Variants in SPTBN4 observed in about 807,000 individuals in gnomAD.
SPTBN4 encodes the protein spectrin beta, non-erythrocytic 4.
A neutral mutation model predicts 277.8 loss-of-function variants in SPTBN4; 96 were observed. The ratio of observed to expected loss-of-function variants is 0.35; its 90% CI spans 0.29 to 0.41. SPTBN4 has a LOEUF of 0.41. Ranked by LOEUF, SPTBN4 falls within the 10% of genes least tolerant of loss-of-function variation. SPTBN4 has a pLI of 1.00. For synonymous variants in SPTBN4, 1,481 were observed against 1,580.3 expected (o/e 0.94, Z 1.49); for missense variants, 3,006 against 3,595.7 (o/e 0.84, Z 4.19).
In SPTBN4 at chr19:40,494,844, T is replaced by G; in HGVS notation, c.588-53T>G. 3 of 1,543,812 alleles carry G rather than the reference T, an allele frequency of 1.9e-6. No homozygotes were observed. In the Middle Eastern group the frequency reaches 5.1e-4, roughly 262 times the overall value. ...TCTCCCTCTGTCTTTTTCCCCTTTC[T>G]TCCCTCCTAACTCTCCCCATCTCTG... is the stretch of plus-strand genomic sequence containing the variant. On this transcript the variant is annotated intron_variant, in intron 5 of 35. Transcript: ENST00000598249.
In SPTBN4 at chr19:40,545,633, C is replaced by T. The variant is rs149031634; in HGVS notation, c.4360-3556C>T. On this transcript the variant is annotated intron_variant, in intron 20 of 35. Coordinates refer to ENST00000598249, the MANE Select transcript of SPTBN4 (RefSeq NM_020971.3). ...TGTAGAAAAGAATGCCTTGGCCAGG[C>T]GCAGTGGCTCACTCCTGTAATCCCA... Among the ~76,000 whole-genome samples the T allele has an allele frequency of 4.2e-3, 645 of 152,152 alleles. 6 individuals are homozygous for T. The highest frequency in any genetic ancestry group is 0.015 in the African/African-American group (624 of 41,536).
chr19:40,567,437 A>T (rs1010976223), intron 30 of SPTBN4, among the ~76,000 whole-genome samples: 1 of 152,206 alleles, frequency 6.6e-6, no homozygotes, highest in African/African-American at 2.4e-5. Context: ...TTTTTAAAAA[A>T]GTGATTTAGC....
intron 25 of SPTBN4, 150 bp downstream of exon 25, chr19:40,556,438 G>A (rs2080980047): frequency 3.0e-6 from 2 of 671,936 alleles, no homozygotes; most frequent in Admixed American, 5.9e-5. Flanking sequence ...AAAGCACTGA[G>A]GACCCTGCTT....
chr19:40,515,338 C>T lies in SPTBN4; in HGVS notation c.2793C>T (p.Asn931=), dbSNP rs2080441735. The change falls in exon 15 of 36, where the codon AAC becomes AAT. Residue 931 remains asparagine, a synonymous_variant. Transcript: ENST00000598249. The surrounding 1 kb of genome is among the most constrained non-coding windows in gnomAD (Gnocchi z 4.1). ...TCGAGAGCCTGGACCAAGAGATGAA[C>T]AGCCTGATGGGCCGCGTTCTGGACG... ...HRFESLDQEM[N]SLMGRVLDVN... is the part of the protein sequence containing the mutation. 5 of 1,612,396 alleles carry T rather than the reference C, an allele frequency of 3.1e-6. No individual in the cohort carries two copies. The highest frequency in any genetic ancestry group is 1.1e-5 in the South Asian group (1 of 90,520).
rs766079383 is a variant in SPTBN4 at position 40,512,646 on chromosome 19, G to A, written c.1857G>A (p.Val619=). ...PCDPQVICNR[V]NHVHGCLAEL... The stretch of plus-strand genomic sequence containing the variant: ...ACCCGCAGGTCATCTGCAACCGCGT[G>A]AACCACGTGCACGGCTGCCTGGCGG... The change falls in exon 14 of 36, where the codon GTG becomes GTA. Residue 619 remains valine (V), a synonymous_variant. Transcript: ENST00000598249. 1.2e-5 allele frequency: 18 copies of A among 1,544,334 alleles called. No homozygotes were observed. Among genetic ancestry groups the A allele is most frequent in the Middle Eastern group, 4.3e-4 (2 of 4,642 alleles).
intron 2 of SPTBN4, among the ~76,000 whole-genome samples, chr19:40,480,696 A>G (rs542335089): frequency 6.6e-6 from 1 of 152,196 alleles, no homozygotes; most frequent in East Asian, 1.9e-4. Context: ...CGTGGTGTGA[A>G]TGTACCACAG....
chr19:40,565,190 G>A (rs1487862033), intron 27 of SPTBN4, among the ~76,000 whole-genome samples: 12 of 151,864 alleles, frequency 7.9e-5, no homozygotes, highest in Admixed American at 2.0e-4. Flanking sequence ...GCCTGAACTC[G>A]GGAGGTGGAG....
chr19:40,504,504 T>C (rs572077828), intron 12 of SPTBN4, among the ~76,000 whole-genome samples: 2 of 151,992 alleles, frequency 1.3e-5, no homozygotes, highest in South Asian at 4.2e-4. Flanking sequence ...CCATCTCTAC[T>C]AAAAATACAA....
In SPTBN4 at chr19:40,487,933, A is replaced by C. The variant is rs564734169; in HGVS notation, c.321+85A>C. 8 of 1,429,162 alleles carry C rather than the reference A, an allele frequency of 5.6e-6. No homozygotes were observed. The African/African-American group carries it at 1.2e-4, about 21-fold the overall frequency. 88.5% of individuals were successfully genotyped at this position (1,429,162 alleles called of 1,614,324 possible). ...GGCTTCTCTGGAAGGGCTGAACTGCAAGCAGGGGCCTGGCTCATGGGCGAG... is the reference window on the plus strand; with the variant it reads ...GGCTTCTCTGGAAGGGCTGAACTGCCAGCAGGGGCCTGGCTCATGGGCGAG... On this transcript the variant is annotated intron_variant, in intron 3 of 35. Transcript: ENST00000598249.
At chr19:40,545,089 A>T (rs1325627180) in intron 20 of SPTBN4, among the ~76,000 whole-genome samples, 1 of 151,010 alleles carries the variant, frequency 6.6e-6, no homozygotes, top group Non-Finnish European at 1.5e-5. Flanking sequence ...AATTTTTATT[A>T]TTATTATTTA....
chr19:40,544,127 C>CTTTTTTTTT (rs10618096), intron 20 of SPTBN4, among the ~76,000 whole-genome samples: 45 of 128,838 alleles, frequency 3.5e-4, no homozygotes, highest in African/African-American at 5.0e-4. Flanking sequence ...TCTTCTTCCT[C>CTTTTTTTTT]TTTTTTTTTT....
intron 3 of SPTBN4, 116 bp downstream of exon 3, chr19:40,487,964 C>A (rs980325546): frequency 1.2e-5 from 15 of 1,240,798 alleles, no homozygotes; most frequent in African/African-American, 1.5e-5. Context: ...GCGAGTGGAA[C>A]GTGCTGGAAG....
intron 19 of SPTBN4, 121 bp from the exon 20 acceptor site, chr19:40,533,959 C>T (rs1461820202): frequency 7.7e-7 from 1 of 1,290,886 alleles, no homozygotes; most frequent in South Asian, 1.5e-5. Context: ...GTCTCCCACT[C>T]CCTGCCTCTG....
At position 40,554,390 on chromosome 19, in the gene SPTBN4, C is replaced by G. The variant is rs1362265634; in HGVS notation, c.4918C>G (p.Gln1640Glu). The change falls in exon 23 of 36, where the codon CAG becomes GAG. Residue 1640 changes from glutamine to glutamate, a missense_variant. Physicochemically the swap from Gln to Glu is conservative, Grantham distance 29 (BLOSUM62 2). Coordinates refer to ENST00000598249, the MANE Select transcript of SPTBN4 (RefSeq NM_020971.3). This position sits in a 1 kb window ranked among gnomAD's most constrained non-coding sequence, Gnocchi z 5.7. ...VAEVEAWLGE[Q>E]ELLMMSEDKG... ...TGAGGTGGAGGCGTGGCTGGGCGAG[C>G]AGGAGCTGCTCATGATGAGTGAGGA... 6.3e-7 allele frequency: 1 copy of G among 1,588,422 alleles called. No individual in the cohort carries two copies. Among genetic ancestry groups the G allele is most frequent in the East Asian group, 2.3e-5 (1 of 43,800 alleles).
chr19:40,513,581 G>A (rs1408950414), intron 14 of SPTBN4, 27 bp downstream of exon 14: 7 of 1,505,710 alleles, frequency 4.6e-6, no homozygotes, highest in African/African-American at 4.2e-5. Context: ...GGGACTCCGG[G>A]GTCCCCTTCC....
chr19:40,528,987 C>T, intron 17 of SPTBN4, 54 bp from the exon 18 acceptor site: 1 of 1,434,744 alleles, frequency 7.0e-7, no homozygotes, highest in Non-Finnish European at 9.8e-7. Flanking sequence ...CTACTGCCAG[C>T]GCCGCACCCC....
chr19:40,569,936 CCACA>C (rs60074818), intron 32 of SPTBN4, among the ~76,000 whole-genome samples: 1,464 of 131,556 alleles, frequency 0.011, 11 homozygotes, highest in Admixed American at 0.013. Context: ...TACTGCCCCT[CCACA>C]CACACACACA....
At chr19:40,559,771 T>A (rs2081022779) in intron 26 of SPTBN4, among the ~76,000 whole-genome samples, 1 of 152,194 alleles carries the variant, frequency 6.6e-6, no homozygotes, top group Non-Finnish European at 1.5e-5. Flanking sequence ...GAAACTGGGC[T>A]ACTATGAAGG....
intron 17 of SPTBN4, among the ~76,000 whole-genome samples, chr19:40,523,840 G>A (rs1255744258): frequency 6.6e-6 from 1 of 151,988 alleles, no homozygotes; most frequent in Non-Finnish European, 1.5e-5. Context: ...GTCTCACTGT[G>A]TTGCCCAGGC....
Sources: gnomAD v4.1 joint callset for allele counts (sites outside exome capture counted in the v4.1 genomes callset) on GRCh38, gnomAD v4.1.1 for gene constraint, Gnocchi (gnomAD v3.1) non-coding constraint, MANE v1.5 for transcripts, NCBI Gene and HGNC (gene_info 2026-07-23, HGNC 2026-07-21) for gene names.